PTPRD: variants seen among roughly 807,000 people sequenced by gnomAD.
PTPRD encodes protein tyrosine phosphatase receptor type D, also known as receptor-type tyrosine-protein phosphatase delta.
In PTPRD, 34 loss-of-function variants were observed where a neutral mutation model predicts 214.5. That is an observed-to-expected ratio of 0.16 (90% CI 0.12 to 0.21). The LOEUF is 0.21. Among genes scored for constraint, PTPRD ranks in the 10% least tolerant of loss-of-function variants. The pLI, the probability that PTPRD is intolerant of heterozygous loss-of-function variation, is 1.00. For missense variants in PTPRD, 2,545 were observed against 2,398.7 expected (o/e 1.06, Z -1.27); for synonymous variants, 1,128 against 845.7 (o/e 1.33, Z -5.79).
At chr9:9,337,628 A>G (rs2045082368) in intron 9 of PTPRD, among the ~76,000 whole-genome samples, 1 of 152,168 alleles carries the variant, frequency 6.6e-6, no homozygotes, top group Non-Finnish European at 1.5e-5. Context: ...GCATACGTGA[A>G]CCTGCAAATT....
chr9:8,585,833 G>A (rs1054564870), intron 14 of PTPRD, among the ~76,000 whole-genome samples: 3 of 152,088 alleles, frequency 2.0e-5, no homozygotes, highest in African/African-American at 7.2e-5. Context: ...AGCTCTATGA[G>A]GTAGACTATG....
chr9:9,605,321 T>C (rs2094079543), intron 7 of PTPRD, among the ~76,000 whole-genome samples: 1 of 152,074 alleles, frequency 6.6e-6, no homozygotes, highest in Non-Finnish European at 1.5e-5. Flanking sequence ...ACTTTTAAAA[T>C]TTCCTCAGAT....
chr9:8,790,570 T>A (rs1413684466), intron 11 of PTPRD, among the ~76,000 whole-genome samples: 1 of 151,940 alleles, frequency 6.6e-6, no homozygotes, highest in African/African-American at 2.4e-5. Context: ...GGTGCCTGCA[T>A]CTGTTTTATT....
intron 14 of PTPRD, among the ~76,000 whole-genome samples, chr9:8,539,119 AT>A (rs1248428297): frequency 6.6e-6 from 1 of 152,064 alleles, no homozygotes; most frequent in African/African-American, 2.4e-5. Flanking sequence ...AAAAGACAGT[AT>A]TAACAAGTTA....
chr9:8,471,082 A>G lies in PTPRD; in HGVS notation c.3417T>C (p.Gly1139=), dbSNP rs1473719635. The change falls in exon 31 of 46, where the codon GGT becomes GGC. Residue 1139 remains glycine, a synonymous_variant. Coordinates refer to ENST00000381196, the MANE Select transcript of PTPRD (RefSeq NM_002839.4). ...TCAAAGGCACAATTATTATGTAGTAACCTCTGCACAAGAATGAATAGATAA... is the reference window on the plus strand; with the variant it reads ...TCAAAGGCACAATTATTATGTAGTAGCCTCTGCACAAGAATGAATAGATAA... ...PEVPANENIK[G]YYIIIVPLKK... is the part of the protein sequence containing the mutation. 6.2e-7 allele frequency: 1 copy of G among 1,612,510 alleles called. No homozygotes were observed. The highest frequency in any genetic ancestry group is 8.5e-7 in the Non-Finnish European group (1 of 1,178,810).
intron 3 of PTPRD, among the ~76,000 whole-genome samples, chr9:10,320,205 A>T (rs1023476818): frequency 2.6e-5 from 4 of 152,068 alleles, no homozygotes; most frequent in African/African-American, 4.8e-5. Context: ...TTCCAGTTAC[A>T]CATGTACATT....
At chr9:9,369,342 C>T (rs992732042) in intron 9 of PTPRD, among the ~76,000 whole-genome samples, 2 of 152,210 alleles carry the variant, frequency 1.3e-5, no homozygotes, top group African/African-American at 2.4e-5. Flanking sequence ...TTTTGATTTG[C>T]ATTTCTCTGA....
intron 27 of PTPRD, among the ~76,000 whole-genome samples, chr9:8,490,195 A>G (rs1306063157): frequency 6.6e-6 from 1 of 152,214 alleles, no homozygotes; most frequent in African/African-American, 2.4e-5. Flanking sequence ...ACACATTGGA[A>G]GAAGCAGAGA....
intron 32 of PTPRD, among the ~76,000 whole-genome samples, chr9:8,462,893 G>A (rs2134294959): frequency 6.6e-6 from 1 of 151,896 alleles, no homozygotes; most frequent in African/African-American, 2.4e-5. Flanking sequence ...CTAGAAGGTA[G>A]GGATTTATAT....
chr9:9,243,903 C>T (rs2099971631), intron 9 of PTPRD, among the ~76,000 whole-genome samples: 1 of 152,148 alleles, frequency 6.6e-6, no homozygotes, highest in Non-Finnish European at 1.5e-5. Context: ...ATCATCTCAG[C>T]CCATAATCTC....
intron 3 of PTPRD, among the ~76,000 whole-genome samples, chr9:10,091,006 T>C (rs967503222): frequency 4.6e-5 from 7 of 150,598 alleles, no homozygotes; most frequent in Non-Finnish European, 1.5e-5. Flanking sequence ...TGCCTCATTT[T>C]CCATTTCTGA....
At chr9:9,108,081 A>C (rs578076872) in intron 10 of PTPRD, among the ~76,000 whole-genome samples, 2 of 152,252 alleles carry the variant, frequency 1.3e-5, no homozygotes, top group East Asian at 3.9e-4. Flanking sequence ...AGTGTCATAA[A>C]TACTTCTTAA....
At chr9:8,406,545 T>G (rs1343485340) in intron 35 of PTPRD, among the ~76,000 whole-genome samples, 1 of 152,210 alleles carries the variant, frequency 6.6e-6, no homozygotes, top group Non-Finnish European at 1.5e-5. Flanking sequence ...GCCTAAATTC[T>G]AAATTCCTAC....
intron 4 of PTPRD, among the ~76,000 whole-genome samples, chr9:10,009,687 G>C (rs1303192247): frequency 1.8e-5 from 2 of 112,876 alleles, no homozygotes; most frequent in Non-Finnish European, 4.5e-5. Context: ...AAAAGATCTG[G>C]AAAGGGAAGG....
At chr9:10,166,116 T>C (rs1256215337) in intron 3 of PTPRD, among the ~76,000 whole-genome samples, 1 of 150,484 alleles carries the variant, frequency 6.6e-6, no homozygotes, top group Non-Finnish European at 1.5e-5. Flanking sequence ...TATATGTACA[T>C]ATATACATAC....
intron 14 of PTPRD, among the ~76,000 whole-genome samples, chr9:8,593,210 G>C (rs909605761): frequency 6.6e-6 from 1 of 152,198 alleles, no homozygotes; most frequent in Non-Finnish European, 1.5e-5. Flanking sequence ...GACCTTGCTT[G>C]AGGGCGTTTA....
rs1034615767 is a variant in PTPRD, at chr9:8,469,071, A to C, written c.3504+1924T>G. 3.3e-5 allele frequency among the ~76,000 whole-genome samples: 5 copies of C among 152,126 alleles called. No homozygotes were observed. The South Asian group carries it at 8.3e-4, about 25-fold the overall frequency. Reference sequence around the variant, plus strand: ...GTGGGAAACAACCCATCCCGACCCAAAAATTTTGAATTAATAAAATGTTCT... The same window carrying C: ...GTGGGAAACAACCCATCCCGACCCACAAATTTTGAATTAATAAAATGTTCT... On this transcript the variant is annotated intron_variant, in intron 31 of 45. Transcript: ENST00000381196.
chr9:9,263,368 C>T (rs1455714320), intron 9 of PTPRD, among the ~76,000 whole-genome samples: 1 of 151,642 alleles, frequency 6.6e-6, no homozygotes, highest in Non-Finnish European at 1.5e-5. Context: ...TTCATCAAAG[C>T]ACCTTCTCAG....
intron 12 of PTPRD, among the ~76,000 whole-genome samples, chr9:8,710,618 AAAAT>A (rs1467546522): frequency 6.6e-6 from 1 of 152,340 alleles, no homozygotes; most frequent in Admixed American, 6.5e-5. Context: ...CTTGTCTCAA[AAAAT>A]AAATAAATAA....
Sources: gnomAD v4.1 joint callset for allele counts (sites outside exome capture counted in the v4.1 genomes callset) on GRCh38, gnomAD v4.1.1 for gene constraint, MANE v1.5 for transcripts, NCBI Gene and HGNC (gene_info 2026-07-23, HGNC 2026-07-21) for gene names.